Variants in PPP2R2C observed in about 807,000 individuals in gnomAD.
The protein encoded by PPP2R2C is protein phosphatase 2 regulatory subunit Bgamma, also known as protein phosphatase 2, regulatory subunit B, gamma.
Under a neutral mutation model 45.3 loss-of-function variants are expected in PPP2R2C, and 10 were observed. The observed-to-expected ratio is 0.22, with a 90% CI of 0.14 to 0.37. The LOEUF is 0.37. PPP2R2C is among the 10% of genes least tolerant of loss of function. PPP2R2C has a pLI of 1.00. For missense variants in PPP2R2C, 308 were observed against 619.7 expected (o/e 0.50, Z 5.34); for synonymous variants, 257 against 245.4 (o/e 1.05, Z -0.44).
Position 6,345,365 on chromosome 4 carries a change from G to A in PPP2R2C, c.790+2481C>T, listed in dbSNP as rs746704366. Among the ~76,000 whole-genome samples the A allele has an allele frequency of 9.2e-5, 14 of 152,150 alleles. No homozygotes were observed. The highest frequency in any genetic ancestry group is 1.9e-4 in the East Asian group (1 of 5,204). On this transcript the variant is annotated intron_variant, in intron 6 of 8. Coordinates refer to ENST00000382599, the MANE Select transcript of PPP2R2C (RefSeq NM_020416.4). The surrounding 1 kb of genome is among the most constrained non-coding windows in gnomAD (Gnocchi z 5.3). ...TGGAACGGCCCCCAGAGACGGCTGC[G>A]TCCTGATCCCTAGCACCTGTGACTA... is the stretch of plus-strand genomic sequence containing the variant.
At chr4:6,453,719 C>T (rs1720866340) in intron 1 of PPP2R2C, among the ~76,000 whole-genome samples, 1 of 152,206 alleles carries the variant, frequency 6.6e-6, no homozygotes, top group African/African-American at 2.4e-5. Flanking sequence ...AGTCAAGCCA[C>T]ACTGAATTAG....
chr4:6,451,847 G>A (rs1221474329), intron 1 of PPP2R2C, among the ~76,000 whole-genome samples: 1 of 152,094 alleles, frequency 6.6e-6, no homozygotes, highest in Non-Finnish European at 1.5e-5. Context: ...AGAGAAAAGA[G>A]TTGGATCGGC....
At chr4:6,412,182 T>C (rs1718240266) in intron 1 of PPP2R2C, among the ~76,000 whole-genome samples, 1 of 152,226 alleles carries the variant, frequency 6.6e-6, no homozygotes, top group African/African-American at 2.4e-5. Flanking sequence ...GGCATCATAA[T>C]AGTTTAAAAA....
At chr4:6,375,333 G>C (rs1715214128) in intron 4 of PPP2R2C, among the ~76,000 whole-genome samples, 1 of 152,158 alleles carries the variant, frequency 6.6e-6, no homozygotes, top group African/African-American at 2.4e-5. Context: ...TCTGTTTCAG[G>C]GTATGTCTGT....
chr4:6,339,550 G>A (rs369699918), intron 6 of PPP2R2C, among the ~76,000 whole-genome samples: 4 of 152,274 alleles, frequency 2.6e-5, no homozygotes, highest in African/African-American at 4.8e-5. Flanking sequence ...CACCCCCATC[G>A]TTGTCAGTGT....
At chr4:6,554,530 A>T (rs1326411562) in intron 1 of PPP2R2C, among the ~76,000 whole-genome samples, 4 of 152,136 alleles carry the variant, frequency 2.6e-5, no homozygotes, top group African/African-American at 9.7e-5. Context: ...CTACAACAAG[A>T]TACCTTAGAC....
At position 6,368,664 on chromosome 4, in the gene PPP2R2C, T is replaced by A. The variant is rs773556889; in HGVS notation, c.625+3859A>T. 6.6e-6 allele frequency among the ~76,000 whole-genome samples: 1 copy of A among 152,142 alleles called. No homozygotes were observed. On this transcript the variant is annotated intron_variant, in intron 5 of 8. Transcript: ENST00000382599. This position sits in a 1 kb window ranked among gnomAD's most constrained non-coding sequence, Gnocchi z 4.2. ...GTGGCCACCCCGATCCAAAACTGGT[T>A]ATGATACAATCCAAATCTATGACAC...
intron 5 of PPP2R2C, among the ~76,000 whole-genome samples, chr4:6,358,164 G>C (rs1020015163): frequency 6.6e-5 from 10 of 152,010 alleles, no homozygotes; most frequent in Admixed American, 1.3e-4. Flanking sequence ...CAGAACAGAG[G>C]CCTCAGAAAT....
rs564159299 is a variant in PPP2R2C, at chr4:6,348,405, G to A, written c.626-395C>T. ...AGAAAAAGAGCATTTATATTGTGCC[G>A]ACTGCATGCTGGGCAGTGGATGCTA... On this transcript the variant is annotated intron_variant, in intron 5 of 8. Coordinates refer to ENST00000382599, the MANE Select transcript of PPP2R2C (RefSeq NM_020416.4). 1.6e-4 allele frequency among the ~76,000 whole-genome samples: 25 copies of A among 152,036 alleles called. 1 individual carries two copies. The highest frequency in any genetic ancestry group is 1.2e-3 in the Admixed American group (18 of 15,280).
chr4:6,543,854 G>C (rs1266006609), intron 1 of PPP2R2C, among the ~76,000 whole-genome samples: 1 of 152,182 alleles, frequency 6.6e-6, no homozygotes, highest in Non-Finnish European at 1.5e-5. Context: ...CAGTACTGGG[G>C]GTGGTAAAGC....
intron 1 of PPP2R2C, among the ~76,000 whole-genome samples, chr4:6,418,866 G>T (rs1224777001): frequency 6.6e-6 from 1 of 152,064 alleles, no homozygotes; most frequent in Non-Finnish European, 1.5e-5. Flanking sequence ...TGTACTAAGT[G>T]TCATGCCTGG....
intron 2 of PPP2R2C, among the ~76,000 whole-genome samples, chr4:6,528,833 C>T (rs572131941): frequency 6.6e-6 from 1 of 152,330 alleles, no homozygotes; most frequent in Admixed American, 6.5e-5. Context: ...TCCTGCCCGC[C>T]AGAGAACAAC....
At chr4:6,448,398 A>G (rs944315836) in intron 1 of PPP2R2C, among the ~76,000 whole-genome samples, 4 of 152,032 alleles carry the variant, frequency 2.6e-5, no homozygotes, top group African/African-American at 9.7e-5. Context: ...GTCTCCTGAC[A>G]CTTGTCCTCA....
At chr4:6,469,220 C>T (rs1303132737) in intron 1 of PPP2R2C, among the ~76,000 whole-genome samples, 2 of 152,030 alleles carry the variant, frequency 1.3e-5, no homozygotes, top group African/African-American at 2.4e-5. Context: ...AGGGCTCCCA[C>T]GGGCAAAGAT....
chr4:6,365,514 G>A (rs1330993438), intron 5 of PPP2R2C, among the ~76,000 whole-genome samples: 1 of 152,222 alleles, frequency 6.6e-6, no homozygotes, highest in Admixed American at 6.5e-5. Context: ...ATGGGATAAA[G>A]GGGGTGCAGA....
intron 6 of PPP2R2C, among the ~76,000 whole-genome samples, chr4:6,342,447 A>G (rs1733524999): frequency 6.6e-6 from 1 of 152,226 alleles, no homozygotes; most frequent in African/African-American, 2.4e-5. Context: ...TTAATGAGAT[A>G]TAAACTGAAA....
At chr4:6,494,576 C>A (rs1461854494) in intron 2 of PPP2R2C, among the ~76,000 whole-genome samples, 1 of 152,224 alleles carries the variant, frequency 6.6e-6, no homozygotes, top group Non-Finnish European at 1.5e-5. Flanking sequence ...GGGAGTGACA[C>A]AAACCCAGCC....
chr4:6,381,077 C>T lies in PPP2R2C; in HGVS notation c.88G>A (p.Val30Ile), dbSNP rs1272579006. The T allele has an allele frequency of 7.5e-6, 12 of 1,594,718 alleles. No individual in the cohort carries two copies. The East Asian group carries it at 1.6e-4, about 21-fold the overall frequency. Residue 30 changes from valine (V) to isoleucine (I), a missense_variant, in exon 2 of 9, where the codon GTT becomes ATT. Coordinates refer to ENST00000382599, the MANE Select transcript of PPP2R2C (RefSeq NM_020416.4). ...AGCTCTCCCGTGTGGTTGAACTCAACGGTAGAGATGATGTCAGCTGGGAGG... is the reference window on the plus strand; with the variant it reads ...AGCTCTCCCGTGTGGTTGAACTCAATGGTAGAGATGATGTCAGCTGGGAGG... ...YVTEADIISTVEFNHTGELLA... is the reference protein window; with the variant it reads ...YVTEADIISTIEFNHTGELLA...
chr4:6,445,744 T>TTTCAAATGTATAAG (rs140754518), intron 1 of PPP2R2C, among the ~76,000 whole-genome samples: 20,601 of 151,776 alleles, frequency 0.14, 1,476 homozygotes, highest in African/African-American at 0.17. Flanking sequence ...ATAAATGGAG[T>TTTCAAATGTATAAG]TTCAAATGTA....
Sources: allele counts gnomAD v4.1 joint callset (sites outside exome capture counted in the v4.1 genomes callset), GRCh38; gene constraint gnomAD v4.1.1; non-coding constraint Gnocchi (gnomAD v3.1); transcripts MANE v1.5; gene names NCBI Gene and HGNC (gene_info 2026-07-23, HGNC 2026-07-21).